The following BMPR1B variants were observed in gnomAD, a reference collection of about 807,000 sequenced individuals.
BMPR1B encodes the protein bone morphogenetic protein receptor type-1B.
BMPR1B carries 12 observed loss-of-function variants against 59.1 expected under a neutral mutation model. The observed-to-expected ratio is 0.20, with a 90% CI of 0.13 to 0.33. BMPR1B has a LOEUF of 0.33. Among genes scored for constraint, BMPR1B ranks in the 10% least tolerant of loss-of-function variants. The probability of loss-of-function intolerance (pLI) is 1.00; values close to 1 mark genes in which losing one functional copy is unlikely to be tolerated. For missense variants in BMPR1B, 550 were observed against 610.9 expected (o/e 0.90, Z 1.05); for synonymous variants, 237 against 207.3 (o/e 1.14, Z -1.23).
intron 2 of BMPR1B, among the ~76,000 whole-genome samples, chr4:94,888,306 AAAAT>A (rs1243047348): frequency 6.6e-6 from 1 of 152,106 alleles, no homozygotes; most frequent in Non-Finnish European, 1.5e-5. Context: ...TGAGTATTTA[AAAAT>A]AAATAAATAT....
chr4:94,983,558 A>T (rs191344187), intron 2 of BMPR1B, among the ~76,000 whole-genome samples: 3 of 152,052 alleles, frequency 2.0e-5, no homozygotes, highest in African/African-American at 7.2e-5. Flanking sequence ...GAGGAAGTAC[A>T]CTTAGAAATG....
chr4:94,906,474 A>G (rs1398258808), intron 2 of BMPR1B, among the ~76,000 whole-genome samples: 1 of 152,062 alleles, frequency 6.6e-6, no homozygotes, highest in Non-Finnish European at 1.5e-5. Flanking sequence ...ACATTTTATG[A>G]CTGGCCAGTA....
At chr4:94,977,859 A>C (rs2149084076) in intron 2 of BMPR1B, among the ~76,000 whole-genome samples, 1 of 152,350 alleles carries the variant, frequency 6.6e-6, no homozygotes, top group African/African-American at 2.4e-5. Context: ...GAAAAGAAGC[A>C]AAAGGAAGCC....
In BMPR1B at chr4:94,827,057, A is replaced by G. The variant is rs181833862; in HGVS notation, c.-182-48774A>G. ...AGTAATTTTCCTAATATGAAATATAATCTAATTTGGCTCATTAGGGGAATA... is the reference window on the plus strand; with the variant it reads ...AGTAATTTTCCTAATATGAAATATAGTCTAATTTGGCTCATTAGGGGAATA... On this transcript the variant is annotated intron_variant, in intron 1 of 12. Transcript: ENST00000515059. 9.6e-4 allele frequency among the ~76,000 whole-genome samples: 146 copies of G among 152,318 alleles called. No individual in the cohort carries two copies. The Middle Eastern group carries it at 0.014, about 14-fold the overall frequency.
At chr4:94,950,872 G>GGGCA (rs1560563869) in intron 2 of BMPR1B, among the ~76,000 whole-genome samples, 1 of 150,004 alleles carries the variant, frequency 6.7e-6, no homozygotes, top group Admixed American at 6.6e-5. Context: ...TCTATAAATT[G>GGGCA]GTATGGCCAT....
intron 4 of BMPR1B, 44 bp from the exon 5 acceptor site, chr4:95,114,676 A>T (rs1401247307): frequency 4.1e-6 from 6 of 1,452,064 alleles, no homozygotes. Context: ...ACACTGACTC[A>T]CACACACACA....
At chr4:94,829,505 T>A (rs2110668027) in intron 1 of BMPR1B, among the ~76,000 whole-genome samples, 1 of 152,226 alleles carries the variant, frequency 6.6e-6, no homozygotes, top group Non-Finnish European at 1.5e-5. Flanking sequence ...GCTCAAGCGA[T>A]CTTGTCACCT....
At chr4:94,872,565 A>G (rs1244421217) in intron 1 of BMPR1B, among the ~76,000 whole-genome samples, 1 of 151,978 alleles carries the variant, frequency 6.6e-6, no homozygotes, top group African/African-American at 2.4e-5. Context: ...GGTTTTTGTG[A>G]TATTTAAGAT....
intron 1 of BMPR1B, among the ~76,000 whole-genome samples, chr4:94,786,265 A>G (rs1210737825): frequency 2.0e-5 from 3 of 152,260 alleles, no homozygotes; most frequent in South Asian, 2.1e-4. Flanking sequence ...GCAAGGGCAT[A>G]TGGAAATGTC....
chr4:94,950,087 T>G (rs1014093576), intron 2 of BMPR1B, among the ~76,000 whole-genome samples: 3 of 152,244 alleles, frequency 2.0e-5, no homozygotes, highest in Non-Finnish European at 4.4e-5. Flanking sequence ...CATAAATGTC[T>G]TCTTTTGCAA....
intron 3 of BMPR1B, among the ~76,000 whole-genome samples, chr4:95,067,792 A>G (rs1202726804): frequency 6.6e-6 from 1 of 152,280 alleles, no homozygotes; most frequent in African/African-American, 2.4e-5. Context: ...AGTGTCTTCA[A>G]ACGTTGTGAA....
chr4:95,026,166 T>TTTTCTTTCTTTCTTTC (rs1724403100), intron 3 of BMPR1B, among the ~76,000 whole-genome samples: 1 of 30,514 alleles, frequency 3.3e-5, no homozygotes, highest in African/African-American at 9.6e-5. Context: ...TTCTTTCTCT[T>TTTTCTTTCTTTCTTTC]TTTCTCTTTC....
intron 2 of BMPR1B, among the ~76,000 whole-genome samples, chr4:94,900,077 CTCAGAA>C (rs1727750862): frequency 6.6e-6 from 1 of 151,688 alleles, no homozygotes; most frequent in African/African-American, 2.4e-5. Context: ...AGTTCTAATC[CTCAGAA>C]TCTTTGCATA....
At chr4:95,050,420 A>G (rs1726411988) in intron 3 of BMPR1B, among the ~76,000 whole-genome samples, 2 of 152,126 alleles carry the variant, frequency 1.3e-5, no homozygotes, top group Non-Finnish European at 2.9e-5. Flanking sequence ...AGTACTTAGG[A>G]AAGTATAAAT....
intron 3 of BMPR1B, among the ~76,000 whole-genome samples, chr4:95,069,428 C>A (rs977164964): frequency 2.6e-5 from 4 of 152,206 alleles, no homozygotes; most frequent in Admixed American, 6.5e-5. Context: ...AGGTGCACTT[C>A]TCCTTCAAGG....
intron 3 of BMPR1B, among the ~76,000 whole-genome samples, chr4:95,073,105 G>T (rs1410397878): frequency 2.6e-5 from 4 of 152,278 alleles, no homozygotes; most frequent in South Asian, 2.1e-4. Flanking sequence ...AAGAGATAAG[G>T]GGGGGAAATC....
chr4:95,090,085 T>C (rs1729869920), intron 3 of BMPR1B, among the ~76,000 whole-genome samples: 1 of 152,064 alleles, frequency 6.6e-6, no homozygotes, highest in Non-Finnish European at 1.5e-5. Flanking sequence ...CTATAAGGTT[T>C]GTCAAATTCT....
At chr4:95,119,531 T>A (rs1386154945) in intron 6 of BMPR1B, among the ~76,000 whole-genome samples, 1 of 152,202 alleles carries the variant, frequency 6.6e-6, no homozygotes, top group Non-Finnish European at 1.5e-5. Context: ...AATGCTCAAA[T>A]TATATATAAT....
intron 2 of BMPR1B, among the ~76,000 whole-genome samples, chr4:94,905,470 A>G (rs755674515): frequency 9.2e-5 from 14 of 152,014 alleles, no homozygotes; most frequent in Non-Finnish European, 1.5e-4. Flanking sequence ...TTTACAGCTT[A>G]ATCAGTGAAA....
Sources: allele counts gnomAD v4.1 joint callset (sites outside exome capture counted in the v4.1 genomes callset), GRCh38; gene constraint gnomAD v4.1.1; transcripts MANE v1.5; gene names NCBI Gene and HGNC (gene_info 2026-07-23, HGNC 2026-07-21).